CARMIL1: variants seen among roughly 807,000 people sequenced by gnomAD.
CARMIL1 encodes the protein capping protein regulator and myosin 1 linker 1.
Under a neutral mutation model 177.1 loss-of-function variants are expected in CARMIL1, and 90 were observed. That is an observed-to-expected ratio of 0.51 (90% CI 0.43 to 0.61). The LOEUF (loss-of-function observed/expected upper bound fraction) is 0.61, where lower values mean the gene tolerates loss of function less well. CARMIL1 is among the 20% of genes least tolerant of loss of function. The pLI, the probability that CARMIL1 is intolerant of heterozygous loss-of-function variation, is 0.00. For synonymous variants in CARMIL1, 577 were observed against 606.2 expected (o/e 0.95, Z 0.71); for missense variants, 1,380 against 1,667.0 (o/e 0.83, Z 3.00).
intron 2 of CARMIL1, among the ~76,000 whole-genome samples, chr6:25,320,230 T>C (rs550524686): frequency 3.0e-4 from 46 of 152,228 alleles, no homozygotes; most frequent in African/African-American, 9.4e-4. Flanking sequence ...AGTGGGAACA[T>C]TGGGTGATTT....
At chr6:25,581,077 T>C in intron 30 of CARMIL1, 87 bp downstream of exon 30, 1 of 1,357,668 alleles carries the variant, frequency 7.4e-7, no homozygotes, top group South Asian at 1.3e-5. Flanking sequence ...ATGTTCCTTA[T>C]GGATGCACTA....
intron 2 of CARMIL1, among the ~76,000 whole-genome samples, chr6:25,396,992 C>T (rs955597415): frequency 2.6e-5 from 4 of 152,046 alleles, no homozygotes; most frequent in African/African-American, 4.8e-5. Flanking sequence ...AGCTGATTAA[C>T]AATTTTCATG....
At chr6:25,415,213 G>A (rs953758967) in intron 2 of CARMIL1, among the ~76,000 whole-genome samples, 4 of 151,222 alleles carry the variant, frequency 2.6e-5, no homozygotes, top group African/African-American at 9.7e-5. Context: ...CCCAGGCTGG[G>A]GTGCAGTGGC....
In CARMIL1 at chr6:25,606,126, A is replaced by G; in HGVS notation, c.3700A>G (p.Lys1234Glu). The change falls in exon 35 of 37, where the codon AAA becomes GAA. Residue 1234 changes from lysine (K) to glutamate (E), a missense_variant. Lys to Glu is a moderately conservative substitution (Grantham distance 56). Coordinates refer to ENST00000329474, the MANE Select transcript of CARMIL1 (RefSeq NM_017640.6). ...TTTGGGAACACCAGAAAAGAATACC[A>G]AAGCAGAACCCAAAGCGGAAGCAGG... ...FGLGTPEKNT[K>E]AEPKAEAGSR... is the part of the protein sequence containing the mutation. 6.2e-7 allele frequency: 1 copy of G among 1,613,954 alleles called. No homozygotes were observed. Among genetic ancestry groups the G allele is most frequent in the Non-Finnish European group, 8.5e-7 (1 of 1,179,882 alleles).
chr6:25,337,103 G>A (rs904138816), intron 2 of CARMIL1, among the ~76,000 whole-genome samples: 2 of 152,172 alleles, frequency 1.3e-5, no homozygotes, highest in East Asian at 3.8e-4. Flanking sequence ...GATGTCATGA[G>A]GCTTAAGGAA....
chr6:25,290,433 A>G (rs999622079), intron 2 of CARMIL1, among the ~76,000 whole-genome samples: 2 of 149,584 alleles, frequency 1.3e-5, no homozygotes, highest in Admixed American at 6.7e-5. Context: ...GGCAGGAGCA[A>G]GAGCCCTGAT....
At position 25,558,961 on chromosome 6, in the gene CARMIL1, G is replaced by A. The variant is rs1173479640; in HGVS notation, c.2742+2111G>A. The stretch of plus-strand genomic sequence containing the variant: ...TAGGCTAATAAGTTGTTAAGTAGTA[G>A]AAAACCAGAGTTAAATTTGCTGTTA... On this transcript the variant is annotated intron_variant, in intron 29 of 36. Coordinates refer to ENST00000329474, the MANE Select transcript of CARMIL1 (RefSeq NM_017640.6). The surrounding 1 kb of genome is among the most constrained non-coding windows in gnomAD (Gnocchi z 4.1). Among the ~76,000 whole-genome samples the A allele has an allele frequency of 6.6e-6, 1 of 152,172 alleles. No individual in the cohort carries two copies. The highest frequency in any genetic ancestry group is 1.5e-5 in the Non-Finnish European group (1 of 68,032).
chr6:25,424,527 C>T (rs1796129528), intron 3 of CARMIL1, among the ~76,000 whole-genome samples: 1 of 152,188 alleles, frequency 6.6e-6, no homozygotes, highest in Non-Finnish European at 1.5e-5. Flanking sequence ...CCTATTCACA[C>T]CTGCTACCAC....
At chr6:25,430,220 G>C (rs185395850) in intron 4 of CARMIL1, among the ~76,000 whole-genome samples, 1 of 115,014 alleles carries the variant, frequency 8.7e-6, no homozygotes, top group African/African-American at 3.0e-5. Context: ...TTATTGGTTT[G>C]TCTTTTTTTT....
In CARMIL1 at chr6:25,326,189, A is replaced by G. The variant is rs960198753; in HGVS notation, c.138+41280A>G. On this transcript the variant is annotated intron_variant, in intron 2 of 36. Coordinates refer to ENST00000329474, the MANE Select transcript of CARMIL1 (RefSeq NM_017640.6). The surrounding 1 kb of genome is among the most constrained non-coding windows in gnomAD (Gnocchi z 4.2). ...GGCCTAGATGAGACATTTTTGAGAA[A>G]ATAACATTTAAGATGAGGCCTGAAG... Among the ~76,000 whole-genome samples the G allele has an allele frequency of 2.6e-5, 4 of 152,150 alleles. No homozygotes were observed. The highest frequency in any genetic ancestry group is 9.7e-5 in the African/African-American group (4 of 41,430).
At chr6:25,475,921 T>C (rs910285940) in intron 11 of CARMIL1, among the ~76,000 whole-genome samples, 1 of 152,198 alleles carries the variant, frequency 6.6e-6, no homozygotes, top group African/African-American at 2.4e-5. Flanking sequence ...ACATGAGAAC[T>C]AGAGGTGGAC....
chr6:25,420,560 CGG>C (rs1477987178), intron 3 of CARMIL1, among the ~76,000 whole-genome samples: 1 of 95,516 alleles, frequency 1.0e-5, no homozygotes, highest in Non-Finnish European at 2.3e-5. Context: ...TTATTTCCTT[CGG>C]TGATCCGAAG....
intron 2 of CARMIL1, among the ~76,000 whole-genome samples, chr6:25,384,072 C>G (rs1791892952): frequency 6.6e-6 from 1 of 152,312 alleles, no homozygotes; most frequent in South Asian, 2.1e-4. Context: ...CTCCTGACCT[C>G]AAGCGCTCCG....
chr6:25,534,076 C>T (rs144523305), intron 24 of CARMIL1, among the ~76,000 whole-genome samples: 1,721 of 151,920 alleles, frequency 0.011, 12 homozygotes, highest in Non-Finnish European at 0.016. Flanking sequence ...ATTTATACTA[C>T]GAGCTCTCTT....
At chr6:25,500,460 T>G (rs1297432495) in intron 17 of CARMIL1, among the ~76,000 whole-genome samples, 3 of 152,342 alleles carry the variant, frequency 2.0e-5, no homozygotes, top group East Asian at 1.9e-4. Context: ...TGGGTTTTGT[T>G]GTTGTTCCAT....
intron 2 of CARMIL1, among the ~76,000 whole-genome samples, chr6:25,328,673 T>G (rs1785335815): frequency 6.6e-6 from 1 of 152,192 alleles, no homozygotes; most frequent in Non-Finnish European, 1.5e-5. Context: ...TTATCTTCCA[T>G]CATGTAGGCT....
chr6:25,485,560 G>T (rs1291597213), intron 12 of CARMIL1, among the ~76,000 whole-genome samples: 2 of 151,956 alleles, frequency 1.3e-5, no homozygotes, highest in Admixed American at 6.6e-5. Flanking sequence ...TCAGCCTCCC[G>T]AGTAGCTGGG....
At position 25,558,362 on chromosome 6, in the gene CARMIL1, G is replaced by A. The variant is rs1028130548; in HGVS notation, c.2742+1512G>A. Among the ~76,000 whole-genome samples the A allele has an allele frequency of 1.3e-5, 2 of 152,120 alleles. No individual in the cohort carries two copies. Among genetic ancestry groups the A allele is most frequent in the African/African-American group, 4.8e-5 (2 of 41,406 alleles). On this transcript the variant is annotated intron_variant, in intron 29 of 36. Coordinates refer to ENST00000329474, the MANE Select transcript of CARMIL1 (RefSeq NM_017640.6). This position sits in a 1 kb window ranked among gnomAD's most constrained non-coding sequence, Gnocchi z 4.1. ...ATGTGGTTTGGAATGAGGAAAAGTTGGTTATGAAAGACTGGCTCACCTACT... is the reference window on the plus strand; with the variant it reads ...ATGTGGTTTGGAATGAGGAAAAGTTAGTTATGAAAGACTGGCTCACCTACT...
chr6:25,599,093 C>A (rs1344055612), intron 32 of CARMIL1, among the ~76,000 whole-genome samples: 1 of 152,188 alleles, frequency 6.6e-6, no homozygotes, highest in African/African-American at 2.4e-5. Flanking sequence ...AGAGAGTGAA[C>A]TTGGGTGTTG....
Sources: allele counts gnomAD v4.1 joint callset (sites outside exome capture counted in the v4.1 genomes callset), GRCh38; gene constraint gnomAD v4.1.1; non-coding constraint Gnocchi (gnomAD v3.1); transcripts MANE v1.5; gene names NCBI Gene and HGNC (gene_info 2026-07-23, HGNC 2026-07-21).